Variants in EIF3H observed in about 807,000 individuals in gnomAD.
EIF3H encodes the protein eIF-3-gamma.
In EIF3H, 26 loss-of-function variants were observed where a neutral mutation model predicts 44.2. The observed-to-expected ratio is 0.59, with a 90% CI of 0.43 to 0.82. The LOEUF is 0.82. EIF3H is among the 40% of genes least tolerant of loss of function. The probability of loss-of-function intolerance (pLI) is 0.00; values close to 1 mark genes in which losing one functional copy is unlikely to be tolerated. For missense variants in EIF3H, 359 were observed against 432.8 expected (o/e 0.83, Z 1.51); for synonymous variants, 166 against 151.9 (o/e 1.09, Z -0.68).
intron 2 of EIF3H, among the ~76,000 whole-genome samples, chr8:116,662,133 C>T (rs772649845): frequency 6.6e-6 from 1 of 152,168 alleles, no homozygotes; most frequent in Non-Finnish European, 1.5e-5. Context: ...TTAAGAAAAT[C>T]ACTTTAAAAA....
chr8:116,758,812 C>A, upstream of EIF3H, among the ~76,000 whole-genome samples: 1 of 152,076 alleles, frequency 6.6e-6, no homozygotes, highest in East Asian at 1.9e-4. Context: ...AACATACACA[C>A]AAATTGAACT....
In EIF3H at chr8:116,746,245, A is replaced by G. The variant is rs766918239; in HGVS notation, c.132+9421T>C. Among the ~76,000 whole-genome samples the G allele has an allele frequency of 5.7e-4, 87 of 152,214 alleles. 2 individuals are homozygous for G. The highest frequency in any genetic ancestry group is 1.8e-4 in the Non-Finnish European group (12 of 68,038). ...GTCTGTAAGACACCTGAGTTCTGAA[A>G]AACATATTTCCCAATGCTCAAACAA... On this transcript the variant is annotated intron_variant, in intron 1 of 7. Coordinates refer to ENST00000521861, the MANE Select transcript of EIF3H (RefSeq NM_003756.3).
intron 1 of EIF3H, among the ~76,000 whole-genome samples, chr8:116,752,678 AAGAAAG>A (rs1815362461): frequency 1.5e-5 from 1 of 68,214 alleles, no homozygotes; most frequent in Admixed American, 1.5e-4. Flanking sequence ...GAAAGAAAGA[AAGAAAG>A]AAAGAAAGAA....
chr8:116,764,026 C>A (rs1420546661), intron 1 of EIF3H, among the ~76,000 whole-genome samples: 1 of 151,986 alleles, frequency 6.6e-6, no homozygotes, highest in Non-Finnish European at 1.5e-5. Flanking sequence ...AAATCATGTA[C>A]AACAGCATAA....
At chr8:116,752,735 G>A (rs1280031640) in intron 1 of EIF3H, among the ~76,000 whole-genome samples, 3 of 70,788 alleles carry the variant, frequency 4.2e-5, no homozygotes, top group Admixed American at 1.7e-4. Context: ...AAAGAAAGAA[G>A]AGAAAGAAAG....
chr8:116,679,229 C>T (rs1346109372), intron 2 of EIF3H, among the ~76,000 whole-genome samples: 10 of 68,764 alleles, frequency 1.5e-4, no homozygotes, highest in African/African-American at 3.0e-4. Context: ...CGCCTCTGCC[C>T]GGCCGCCCCT....
intron 1 of EIF3H, 58 bp from the exon 2 acceptor site, chr8:116,726,230 T>A: frequency 6.6e-7 from 1 of 1,514,692 alleles, no homozygotes; most frequent in Admixed American, 2.3e-5. Context: ...TTATTTCCTT[T>A]ATTTCTAAGA....
chr8:116,661,691 C>T (rs1813588862), intron 2 of EIF3H, among the ~76,000 whole-genome samples: 1 of 152,136 alleles, frequency 6.6e-6, no homozygotes, highest in South Asian at 2.1e-4. Flanking sequence ...TGTAATCTTG[C>T]TAAGTCTGTC....
chr8:116,750,369 TA>T (rs1815309636), intron 1 of EIF3H, among the ~76,000 whole-genome samples: 1 of 39,722 alleles, frequency 2.5e-5, no homozygotes, highest in South Asian at 7.1e-4. Context: ...CTGCTTTGAA[TA>T]AGGATGTGAC....
At chr8:116,764,360 G>A (rs1249682514) in intron 1 of EIF3H, among the ~76,000 whole-genome samples, 2 of 152,102 alleles carry the variant, frequency 1.3e-5, no homozygotes, top group Admixed American at 1.3e-4. Context: ...CTTGGTTGTG[G>A]CTAAATATTG....
At chr8:116,755,839 G>A (rs1815437046), upstream of EIF3H, 1 of 1,606,574 alleles carries the variant, frequency 6.2e-7, no homozygotes, top group Non-Finnish European at 8.5e-7. Flanking sequence ...TGAGTTACCG[G>A]AAGCGGAAGT....
At chr8:116,703,790 C>T (rs933190557) in intron 2 of EIF3H, among the ~76,000 whole-genome samples, 1 of 152,142 alleles carries the variant, frequency 6.6e-6, no homozygotes, top group Non-Finnish European at 1.5e-5. Flanking sequence ...GTCTCCACAT[C>T]TAGGTGGTAG....
At chr8:116,681,552 GCTA>G (rs2130844291) in intron 2 of EIF3H, among the ~76,000 whole-genome samples, 1 of 150,888 alleles carries the variant, frequency 6.6e-6, no homozygotes, top group South Asian at 2.1e-4. Flanking sequence ...TGTAATCCTA[GCTA>G]CTAAGGAGGC....
intron 2 of EIF3H, among the ~76,000 whole-genome samples, chr8:116,699,955 A>G (rs1166340975): frequency 4.6e-5 from 7 of 152,216 alleles, no homozygotes. Flanking sequence ...GATTACAGGC[A>G]TGCACCACCA....
chr8:116,706,785 T>C (rs1019481863), intron 2 of EIF3H, among the ~76,000 whole-genome samples: 6 of 152,212 alleles, frequency 3.9e-5, no homozygotes, highest in African/African-American at 7.2e-5. Context: ...CCTCATGTTA[T>C]CTGCCCGCCT....
At chr8:116,734,067 G>A (rs1276887803) in intron 1 of EIF3H, among the ~76,000 whole-genome samples, 5 of 152,270 alleles carry the variant, frequency 3.3e-5, no homozygotes, top group East Asian at 3.9e-4. Context: ...TTAAACAGTC[G>A]TGAAAGAATG....
chr8:116,753,125 G>A (rs1433308198), intron 1 of EIF3H, among the ~76,000 whole-genome samples: 4 of 152,066 alleles, frequency 2.6e-5, no homozygotes, highest in African/African-American at 7.2e-5. Context: ...GAGCAACCAA[G>A]ATAAAAGAAC....
intron 5 of EIF3H, among the ~76,000 whole-genome samples, chr8:116,651,446 G>A (rs1813392080): frequency 6.6e-6 from 1 of 152,114 alleles, no homozygotes; most frequent in South Asian, 2.1e-4. Flanking sequence ...ACTAAAATAT[G>A]GATTCTATCA....
intron 1 of EIF3H, among the ~76,000 whole-genome samples, chr8:116,748,162 A>C (rs369760192): frequency 0.011 from 1,746 of 151,902 alleles, 33 homozygotes; most frequent in African/African-American, 0.039. Flanking sequence ...CAAAAACAAA[A>C]AAAAAAACAA....
Sources: gnomAD v4.1 joint callset for allele counts (sites outside exome capture counted in the v4.1 genomes callset) on GRCh38, gnomAD v4.1.1 for gene constraint, MANE v1.5 for transcripts, NCBI Gene and HGNC (gene_info 2026-07-23, HGNC 2026-07-21) for gene names.